Variants in PHTF2 observed in about 807,000 individuals in gnomAD.
PHTF2 encodes putative homeodomain transcription factor 2.
A neutral mutation model predicts 101.2 loss-of-function variants in PHTF2; 60 were observed. The ratio of observed to expected loss-of-function variants is 0.59; its 90% CI spans 0.48 to 0.73. The LOEUF is 0.73. PHTF2 is among the 30% of genes least tolerant of loss of function. The pLI is 0.00. For synonymous variants in PHTF2, 311 were observed against 307.3 expected, an observed-to-expected ratio of 1.01 and a Z score of -0.13; for missense variants, 747 against 908.7, an observed-to-expected ratio of 0.82 and a Z score of 2.29.
intron 1 of PHTF2, among the ~76,000 whole-genome samples, chr7:77,830,924 A>C (rs118084512): frequency 0.022 from 3,362 of 152,336 alleles, 52 homozygotes; most frequent in Middle Eastern, 0.068. Context: ...CCACAAGCTA[A>C]CCTTAGCCAA....
chr7:77,896,042 T>G (rs887702712), intron 5 of PHTF2: 3 of 151,636 alleles, frequency 2.0e-5, no homozygotes, highest in Non-Finnish European at 2.9e-5. Context: ...GTTCTCATTA[T>G]TTTTTTTTCC....
At chr7:77,836,161 T>C (rs1450839599) in intron 1 of PHTF2, among the ~76,000 whole-genome samples, 1 of 124,480 alleles carries the variant, frequency 8.0e-6, no homozygotes, top group Non-Finnish European at 1.7e-5. Flanking sequence ...GAAGAGAAAA[T>C]ACATTTACTA....
In PHTF2 at chr7:77,949,869, T is replaced by C. The variant is rs371743554; in HGVS notation, c.2115+36T>C. ...CTACTTATTATGCTACAAATTAATG[T>C]CTATAAGTTAAAATGTTTTCATTTC... is the stretch of plus-strand genomic sequence containing the variant. On this transcript the variant is annotated intron_variant, in intron 17 of 19. Transcript: ENST00000416283. The C allele has an allele frequency of 7.3e-6, 8 of 1,095,850 alleles. No homozygotes were observed. The African/African-American group carries it at 9.5e-5, about 13-fold the overall frequency. The allele number at this position is 1,095,850 out of a possible 1,614,324, so 67.9% of individuals were successfully genotyped here. A position where few individuals can be genotyped will look rare whatever the true frequency, so the allele number is the denominator to read the frequency against.
At chr7:77,894,212 T>C (rs1440302598) in intron 5 of PHTF2, among the ~76,000 whole-genome samples, 1 of 152,228 alleles carries the variant, frequency 6.6e-6, no homozygotes, top group Non-Finnish European at 1.5e-5. Context: ...ATATCTCTTA[T>C]GCTGATAAAA....
In PHTF2 at chr7:77,937,093, AG is replaced by A. The variant is rs1703377430; in HGVS notation, c.1339-616del. ...TTGCTTTATCTGGAAAAAAAAAAAA[AG>A]TTAAATGGGTCCTTTGGAGAAATGC... is the stretch of plus-strand genomic sequence containing the variant. On this transcript the variant is annotated intron_variant, in intron 12 of 19. Coordinates refer to ENST00000416283, the Ensembl canonical transcript of PHTF2. Among the ~76,000 whole-genome samples, 3 of 151,242 alleles carry A rather than the reference AG, an allele frequency of 2.0e-5. No individual in the cohort carries two copies. The South Asian group carries it at 6.3e-4, about 32-fold the overall frequency.
chr7:77,866,048 G>A (rs1374124425), intron 3 of PHTF2, among the ~76,000 whole-genome samples: 1 of 152,038 alleles, frequency 6.6e-6, no homozygotes, highest in East Asian at 1.9e-4. Flanking sequence ...GTCAGGCATG[G>A]TGGTGCACAC....
At chr7:77,916,474 C>T (rs1802936450) in intron 9 of PHTF2, among the ~76,000 whole-genome samples, 1 of 151,992 alleles carries the variant, frequency 6.6e-6, no homozygotes, top group Non-Finnish European at 1.5e-5. Context: ...CGTTTTTGAC[C>T]CTCTTTACCT....
At chr7:77,896,230 G>T (rs1800864775) in intron 5 of PHTF2, among the ~76,000 whole-genome samples, 1 of 152,204 alleles carries the variant, frequency 6.6e-6, no homozygotes, top group Admixed American at 6.5e-5. Context: ...TCAAGTCAGA[G>T]CTTTTGGGGT....
intron 11 of PHTF2, chr7:77,923,265 C>T (rs192472379): frequency 2.3e-6 from 2 of 870,028 alleles, no homozygotes; most frequent in Admixed American, 1.2e-4. Flanking sequence ...TATATCATAT[C>T]TCTTGAGCTT....
chr7:77,900,051 G>A (rs1253256604), intron 5 of PHTF2, among the ~76,000 whole-genome samples: 1 of 151,844 alleles, frequency 6.6e-6, no homozygotes, highest in Non-Finnish European at 1.5e-5. Flanking sequence ...ATTTTACTCA[G>A]TGTTCAATAA....
intron 3 of PHTF2, among the ~76,000 whole-genome samples, chr7:77,893,178 A>T (rs79826984): frequency 0.021 from 3,163 of 152,230 alleles, 90 homozygotes; most frequent in African/African-American, 0.071. Context: ...GGTTTGGTGT[A>T]TAGGTTATTT....
intron 16 of PHTF2, among the ~76,000 whole-genome samples, chr7:77,945,271 G>GA (rs1805956786): frequency 6.6e-6 from 1 of 152,222 alleles, no homozygotes; most frequent in South Asian, 2.1e-4. Context: ...CTGGGAGGCA[G>GA]AAGTTGCAGT....
Position 77,940,513 on chromosome 7 carries a change from C to G in PHTF2, c.1741-15C>G. ...AATCTACTTGAAAATTAATCCTCATCTTAATCTTTTTTAGCGATTACTTTT... is the reference window on the plus strand; with the variant it reads ...AATCTACTTGAAAATTAATCCTCATGTTAATCTTTTTTAGCGATTACTTTT... On this transcript the variant is annotated splice_polypyrimidine_tract_variant and intron_variant, in intron 14 of 19. Coordinates refer to ENST00000416283, the Ensembl canonical transcript of PHTF2. 6.3e-7 allele frequency: 1 copy of G among 1,575,874 alleles called. No individual in the cohort carries two copies. Among genetic ancestry groups the G allele is most frequent in the Non-Finnish European group, 8.6e-7 (1 of 1,161,890 alleles).
chr7:77,910,808 A>G (rs772915677), intron 9 of PHTF2, among the ~76,000 whole-genome samples: 33 of 152,038 alleles, frequency 2.2e-4, no homozygotes, highest in African/African-American at 7.5e-4. Context: ...CACCTGGCTA[A>G]TTTTTTGTAT....
exon 19 of PHTF2, chr7:77,953,867 C>T (rs753507792): frequency 2.5e-6 from 4 of 1,613,288 alleles, no homozygotes; most frequent in Admixed American, 3.3e-5. Flanking sequence ...CTGGTGTTAT[C>T]AGTGACTTGC....
chr7:77,863,434 T>C (rs1797802376), intron 3 of PHTF2, among the ~76,000 whole-genome samples: 1 of 152,218 alleles, frequency 6.6e-6, no homozygotes, highest in African/African-American at 2.4e-5. Flanking sequence ...TGTGACACTT[T>C]ATTATATGGT....
At chr7:77,805,224 C>T (rs1486938540) in intron 1 of PHTF2, among the ~76,000 whole-genome samples, 1 of 152,122 alleles carries the variant, frequency 6.6e-6, no homozygotes, top group Non-Finnish European at 1.5e-5. Context: ...ATGACATTTT[C>T]TTATTAATCT....
intron 2 of PHTF2, among the ~76,000 whole-genome samples, chr7:77,840,510 A>G (rs1795786485): frequency 6.6e-6 from 1 of 152,214 alleles, no homozygotes. Context: ...AAGTAGCTAG[A>G]TTAATTATAA....
chr7:77,867,850 C>T (rs1798191986), intron 3 of PHTF2, among the ~76,000 whole-genome samples: 1 of 152,178 alleles, frequency 6.6e-6, no homozygotes, highest in African/African-American at 2.4e-5. Flanking sequence ...AACATCTGTG[C>T]AGTTCTCCTT....
Sources: allele counts gnomAD v4.1 joint callset (sites outside exome capture counted in the v4.1 genomes callset), GRCh38; gene constraint gnomAD v4.1.1; transcripts MANE v1.5; gene names NCBI Gene and HGNC (gene_info 2026-07-23, HGNC 2026-07-21).